CEP85L: variants seen among roughly 807,000 people sequenced by gnomAD.
The protein encoded by CEP85L is centrosomal protein 85L, also known as centrosomal protein of 85 kDa-like.
CEP85L carries 60 observed loss-of-function variants against 100.3 expected under a neutral mutation model. The observed-to-expected ratio is 0.60, with a 90% CI of 0.49 to 0.74. CEP85L has a LOEUF of 0.74. Ranked by LOEUF, CEP85L falls within the 30% of genes least tolerant of loss-of-function variation. The pLI is 0.00. For synonymous variants in CEP85L, 319 were observed against 322.7 expected (o/e 0.99, Z 0.12); for missense variants, 973 against 936.2 (o/e 1.04, Z -0.51).
intron 3 of CEP85L, among the ~76,000 whole-genome samples, chr6:118,535,058 CAAAT>C (rs988834735): frequency 3.3e-5 from 5 of 151,974 alleles, no homozygotes; most frequent in Non-Finnish European, 5.9e-5. Flanking sequence ...AATAAATACT[CAAAT>C]AAAACTAAAA....
chr6:118,636,404 T>A (rs926497947), intron 1 of CEP85L, among the ~76,000 whole-genome samples: 5 of 152,114 alleles, frequency 3.3e-5, no homozygotes, highest in Non-Finnish European at 5.9e-5. Flanking sequence ...TGTCAACAAG[T>A]GTTTTAGGTT....
intron 6 of CEP85L, chr6:118,491,304 G>T: frequency 4.5e-6 from 1 of 222,828 alleles, no homozygotes; most frequent in Non-Finnish European, 7.9e-6. Flanking sequence ...CTGAATCAGG[G>T]GCTTCAGTTT....
chr6:118,669,196 T>A (rs892617265), intron 1 of CEP85L, among the ~76,000 whole-genome samples: 1 of 152,220 alleles, frequency 6.6e-6, no homozygotes, highest in South Asian at 2.1e-4. Context: ...TAGGGCTCCA[T>A]GTCTGTCAGG....
At chr6:118,644,413 T>C (rs1177141397) in intron 1 of CEP85L, among the ~76,000 whole-genome samples, 1 of 152,094 alleles carries the variant, frequency 6.6e-6, no homozygotes, top group Non-Finnish European at 1.5e-5. Flanking sequence ...ACACCATTTA[T>C]AACCAAGTAA....
intron 2 of CEP85L, among the ~76,000 whole-genome samples, chr6:118,585,075 A>C (rs1780781494): frequency 6.6e-6 from 1 of 152,220 alleles, no homozygotes; most frequent in Admixed American, 6.5e-5. Context: ...TTGTAGAACA[A>C]GGAATCTGTA....
Position 118,523,301 on chromosome 6 carries a change from T to A in CEP85L, c.1139+501A>T, listed in dbSNP as rs553793990. On this transcript the variant is annotated intron_variant, in intron 4 of 12. Transcript: ENST00000368491. ...TAATTTTTTTTCAGAGCTTAGGTAC[T>A]CAAACCCTTAAACATTTTAGAACGT... Among the ~76,000 whole-genome samples, 4 of 152,334 alleles carry A rather than the reference T, an allele frequency of 2.6e-5. No homozygotes were observed. The South Asian group carries it at 8.3e-4, about 32-fold the overall frequency.
chr6:118,589,259 T>C (rs1248207721), intron 2 of CEP85L: 2 of 226,976 alleles, frequency 8.8e-6, no homozygotes, highest in Non-Finnish European at 2.0e-5. Flanking sequence ...ACTAGGTCTC[T>C]AGGCCACCCT....
chr6:118,472,260 G>A (rs1221407548), intron 10 of CEP85L, among the ~76,000 whole-genome samples: 5 of 152,066 alleles, frequency 3.3e-5, no homozygotes, highest in Non-Finnish European at 7.4e-5. Context: ...AATCAGTGCA[G>A]AAACAGGCAA....
intron 2 of CEP85L, among the ~76,000 whole-genome samples, chr6:118,572,664 G>A (rs961527308): frequency 2.6e-5 from 4 of 152,078 alleles, no homozygotes; most frequent in Non-Finnish European, 5.9e-5. Context: ...ACACTGCTAG[G>A]AGTGGGGCTA....
At chr6:118,618,015 C>T (rs566356821) in intron 2 of CEP85L, among the ~76,000 whole-genome samples, 1 of 152,250 alleles carries the variant, frequency 6.6e-6, no homozygotes, top group South Asian at 2.1e-4. Context: ...CAATCCCTGA[C>T]CCTTTGGAGT....
chr6:118,661,676 A>G (rs988273270), intron 1 of CEP85L, among the ~76,000 whole-genome samples: 1 of 152,176 alleles, frequency 6.6e-6, no homozygotes, highest in Admixed American at 6.5e-5. Context: ...AATCTCTAAT[A>G]ATGTAAATAT....
At chr6:118,695,850 T>C (rs1386306906) in intron 1 of CEP85L, among the ~76,000 whole-genome samples, 1 of 152,164 alleles carries the variant, frequency 6.6e-6, no homozygotes, top group Non-Finnish European at 1.5e-5. Context: ...TTGAGGGTGA[T>C]GAGGGCTACT....
intron 1 of CEP85L, among the ~76,000 whole-genome samples, chr6:118,701,984 C>T (rs1172693798): frequency 2.0e-5 from 3 of 152,170 alleles, no homozygotes. Context: ...TGTTCTCTCT[C>T]ATCCAGTAGG....
intron 6 of CEP85L, among the ~76,000 whole-genome samples, chr6:118,488,484 C>G (rs1562190918): frequency 6.6e-6 from 1 of 151,494 alleles, no homozygotes; most frequent in East Asian, 1.9e-4. Flanking sequence ...ATTATCAAGT[C>G]AGAGTAACAA....
intron 3 of CEP85L, among the ~76,000 whole-genome samples, chr6:118,552,806 A>G (rs1307998598): frequency 6.6e-6 from 1 of 152,098 alleles, no homozygotes; most frequent in Non-Finnish European, 1.5e-5. Context: ...ATCCACAGAC[A>G]TAAGATACTC....
chr6:118,501,668 C>T, intron 5 of CEP85L: 2 of 659,508 alleles, frequency 3.0e-6, no homozygotes, highest in Non-Finnish European at 5.7e-6. Context: ...GAAGCTGTTA[C>T]ACTCAGAGAT....
chr6:118,515,661 A>G (rs1010716753), intron 4 of CEP85L, among the ~76,000 whole-genome samples: 1 of 152,244 alleles, frequency 6.6e-6, no homozygotes, highest in Admixed American at 6.5e-5. Flanking sequence ...TCAAAGAAGA[A>G]ATCAGAAGAT....
chr6:118,647,308 T>C (rs1775266704), intron 1 of CEP85L, among the ~76,000 whole-genome samples: 1 of 152,234 alleles, frequency 6.6e-6, no homozygotes, highest in African/African-American at 2.4e-5. Context: ...TTTCGCACAC[T>C]ATAAAAGTAT....
At chr6:118,649,927 A>G (rs1415136886) in intron 1 of CEP85L, among the ~76,000 whole-genome samples, 2 of 152,242 alleles carry the variant, frequency 1.3e-5, no homozygotes, top group East Asian at 3.8e-4. Flanking sequence ...TAAAAACCAC[A>G]CATCACAAAT....
Sources: gnomAD v4.1 joint callset for allele counts (sites outside exome capture counted in the v4.1 genomes callset) on GRCh38, gnomAD v4.1.1 for gene constraint, MANE v1.5 for transcripts, NCBI Gene and HGNC (gene_info 2026-07-23, HGNC 2026-07-21) for gene names.